Variants in KALRN observed in about 807,000 individuals in gnomAD.
KALRN encodes kalirin RhoGEF kinase.
Under a neutral mutation model 353.7 loss-of-function variants are expected in KALRN, and 70 were observed. That is an observed-to-expected ratio of 0.20 (90% confidence interval 0.16 to 0.24). The LOEUF is 0.24. KALRN is among the 10% of genes least tolerant of loss of function. The pLI is 1.00. For synonymous variants in KALRN, 1,391 were observed against 1,434.8 expected (o/e 0.97, Z 0.69); for missense variants, 2,791 against 3,756.7 (o/e 0.74, Z 6.72).
At chr3:124,059,714 G>GT (rs2041847098) in intron 1 of KALRN, among the ~76,000 whole-genome samples, 1 of 152,116 alleles carries the variant, frequency 6.6e-6, no homozygotes, top group Non-Finnish European at 1.5e-5. Flanking sequence ...TTTTTGTGCT[G>GT]TGCTTGCTTT....
At chr3:124,224,449 A>G (rs916473488) in intron 1 of KALRN, among the ~76,000 whole-genome samples, 1 of 152,174 alleles carries the variant, frequency 6.6e-6, no homozygotes, top group African/African-American at 2.4e-5. Context: ...GGCTGCATTC[A>G]AAGCTGTCCT....
rs186034971 is a variant in KALRN at position 124,490,926 on chromosome 3, A to G, written c.4587+42A>G. On this transcript the variant is annotated intron_variant, in intron 30 of 59. Coordinates refer to ENST00000682506, the MANE Select transcript of KALRN (RefSeq NM_001388419.1). The stretch of plus-strand genomic sequence containing the variant: ...GGGTAAGACAAGACTCCCTGCTTTC[A>G]TAGAACCCATGGGCAGGAAGGGATC... 620 of 1,549,704 alleles carry G rather than the reference A, an allele frequency of 4.0e-4. 3 individuals are homozygous for G. In the African/African-American group the frequency reaches 7.3e-3, roughly 18 times the overall value.
At position 124,592,368 on chromosome 3, in the gene KALRN, A is replaced by G. The variant is rs1034255454; in HGVS notation, c.5182+29279A>G. Among the ~76,000 whole-genome samples, 5 of 151,462 alleles carry G rather than the reference A, an allele frequency of 3.3e-5. No homozygotes were observed. In the South Asian group the frequency reaches 8.3e-4, roughly 25 times the overall value. On this transcript the variant is annotated intron_variant, in intron 34 of 59. Transcript: ENST00000682506. Reference sequence around the variant, plus strand: ...CAAGAAGCCTACATATCCCTAAGTTATCCTTCTCTTAGGGGCAACACAAGG... The same window carrying G: ...CAAGAAGCCTACATATCCCTAAGTTGTCCTTCTCTTAGGGGCAACACAAGG...
chr3:124,649,694 G>T (rs952223442), intron 37 of KALRN, among the ~76,000 whole-genome samples: 4 of 151,948 alleles, frequency 2.6e-5, no homozygotes, highest in Non-Finnish European at 4.4e-5. Context: ...AGGCTGAGGT[G>T]AGAGGATTGC....
intron 3 of KALRN, among the ~76,000 whole-genome samples, chr3:124,261,400 C>A (rs562272300): frequency 6.6e-6 from 1 of 152,178 alleles, no homozygotes; most frequent in Non-Finnish European, 1.5e-5. Context: ...ATGAAATAGT[C>A]GTTTCCCCTT....
chr3:124,562,051 C>T (rs78250553), intron 33 of KALRN, among the ~76,000 whole-genome samples: 1,780 of 152,212 alleles, frequency 0.012, 17 homozygotes, highest in Middle Eastern at 0.061. Flanking sequence ...AGGAAGATGC[C>T]AGTGTGGAGA....
At chr3:124,645,657 T>TGC (rs1559756782) in intron 37 of KALRN, among the ~76,000 whole-genome samples, 1 of 139,096 alleles carries the variant, frequency 7.2e-6, no homozygotes. Flanking sequence ...TCTCTCTCTC[T>TGC]CTGTGCGTGT....
At chr3:124,286,082 C>CTTTCTTTCTTTCTTTCTTTCTTT (rs1553893894) in intron 5 of KALRN, among the ~76,000 whole-genome samples, 92 of 102,254 alleles carry the variant, frequency 9.0e-4, no homozygotes, top group East Asian at 3.4e-3. Flanking sequence ...TTCTTTCCTT[C>CTTTCTTTCTTTCTTTCTTTCTTT]CTTTCTTTCT....
At chr3:124,235,938 C>A (rs1308699986) in intron 3 of KALRN, among the ~76,000 whole-genome samples, 3 of 152,126 alleles carry the variant, frequency 2.0e-5, no homozygotes, top group African/African-American at 7.2e-5. Flanking sequence ...TGATTAAGTT[C>A]TTGAAGCAGG....
At chr3:124,388,448 G>A (rs1576505771) in intron 11 of KALRN, among the ~76,000 whole-genome samples, 1 of 152,060 alleles carries the variant, frequency 6.6e-6, no homozygotes, top group Non-Finnish European at 1.5e-5. Flanking sequence ...TAAATTGGGA[G>A]TGCTAATATG....
chr3:124,594,514 G>A lies in KALRN; in HGVS notation c.5182+31425G>A, dbSNP rs566373721. On this transcript the variant is annotated intron_variant, in intron 34 of 59. Coordinates refer to ENST00000682506, the MANE Select transcript of KALRN (RefSeq NM_001388419.1). The stretch of plus-strand genomic sequence containing the variant: ...GCTGGGATTACAGGTGTGAGCCACC[G>A]CGCCCAGCCTTCCAGGATATTTTCA... Among the ~76,000 whole-genome samples, 33 of 152,258 alleles carry A rather than the reference G, an allele frequency of 2.2e-4. 1 individual carries two copies. The South Asian group carries it at 3.9e-3, about 18-fold the overall frequency.
intron 1 of KALRN, among the ~76,000 whole-genome samples, chr3:124,038,490 G>A (rs1448602683): frequency 6.6e-6 from 1 of 152,142 alleles, no homozygotes; most frequent in Admixed American, 6.5e-5. Flanking sequence ...AATTGAGGAG[G>A]CTAGAACGAG....
Position 124,655,697 on chromosome 3 carries a change from G to A in KALRN, c.5862+30G>A, listed in dbSNP as rs569932098. On this transcript the variant is annotated intron_variant, in intron 39 of 59. Coordinates refer to ENST00000682506, the MANE Select transcript of KALRN (RefSeq NM_001388419.1). ...GTAGAGGGTTCCAGGTGGGTCTGTG[G>A]TCACCCAACCAGGAGCACGTTGGAC... 64 of 1,575,862 alleles carry A rather than the reference G, an allele frequency of 4.1e-5. No homozygotes were observed. The East Asian group carries it at 1.0e-3, about 25-fold the overall frequency.
At chr3:124,493,141 G>A (rs1166102144) in intron 32 of KALRN, among the ~76,000 whole-genome samples, 1 of 152,146 alleles carries the variant, frequency 6.6e-6, no homozygotes, top group Non-Finnish European at 1.5e-5. Flanking sequence ...AAGATGAGTC[G>A]ATTCCCTTAA....
chr3:124,139,646 A>C (rs2066377886), intron 1 of KALRN, among the ~76,000 whole-genome samples: 1 of 152,188 alleles, frequency 6.6e-6, no homozygotes, highest in African/African-American at 2.4e-5. Context: ...TGGTAGAAAA[A>C]CCAGAGCACC....
chr3:124,393,321 C>T (rs1232540101), intron 11 of KALRN, among the ~76,000 whole-genome samples: 1 of 152,038 alleles, frequency 6.6e-6, no homozygotes, highest in African/African-American at 2.4e-5. Flanking sequence ...CATCTCTTCC[C>T]TAAAGACTTA....
intron 34 of KALRN, among the ~76,000 whole-genome samples, chr3:124,616,793 GT>G (rs1203442062): frequency 1.3e-5 from 2 of 151,888 alleles, no homozygotes; most frequent in African/African-American, 4.8e-5. Context: ...GTGAAACCCC[GT>G]CTCTACTAAA....
At chr3:124,312,274 C>T (rs1481689358) in intron 6 of KALRN, among the ~76,000 whole-genome samples, 1 of 152,136 alleles carries the variant, frequency 6.6e-6, no homozygotes, top group Non-Finnish European at 1.5e-5. Flanking sequence ...GATTCTTATG[C>T]CTCAGCCTCC....
chr3:124,094,669 C>T, intron 1 of KALRN: 1 of 658,896 alleles, frequency 1.5e-6, no homozygotes, highest in Non-Finnish European at 2.8e-6. Context: ...GCTCCCGGCA[C>T]AGTCAGCCTC....
Sources: allele counts gnomAD v4.1 joint callset (sites outside exome capture counted in the v4.1 genomes callset), GRCh38; gene constraint gnomAD v4.1.1; transcripts MANE v1.5; gene names NCBI Gene and HGNC (gene_info 2026-07-23, HGNC 2026-07-21).